GRM8: variants seen among roughly 807,000 people sequenced by gnomAD.
GRM8 encodes glutamate metabotropic receptor 8, also known as metabotropic glutamate receptor 8.
In GRM8, 47 loss-of-function variants were observed where a neutral mutation model predicts 87.2. The observed-to-expected ratio is 0.54, with a 90% CI of 0.43 to 0.69. GRM8 has a LOEUF of 0.69. Among genes scored for constraint, GRM8 ranks in the 30% least tolerant of loss-of-function variants. GRM8 has a pLI of 0.00. For missense variants in GRM8, 1,019 were observed against 1,139.2 expected, an observed-to-expected ratio of 0.89 and a Z score of 1.52; for synonymous variants, 396 against 404.5, an observed-to-expected ratio of 0.98 and a Z score of 0.25.
chr7:126,595,398 AT>A (rs1797069558), intron 8 of GRM8, among the ~76,000 whole-genome samples: 1 of 122,808 alleles, frequency 8.1e-6, no homozygotes, highest in Non-Finnish European at 1.8e-5. Context: ...ATTTTATTTT[AT>A]TTTATTTTAT....
intron 6 of GRM8, among the ~76,000 whole-genome samples, chr7:126,832,416 T>G (rs1044439969): frequency 5.9e-5 from 9 of 152,226 alleles, no homozygotes; most frequent in African/African-American, 1.9e-4. Flanking sequence ...CTTAAACCTA[T>G]CTATATATTC....
At chr7:126,440,725 C>T (rs567930224) in intron 10 of GRM8, among the ~76,000 whole-genome samples, 1 of 152,104 alleles carries the variant, frequency 6.6e-6, no homozygotes, top group East Asian at 1.9e-4. Flanking sequence ...CTGGGTGTGT[C>T]GTAGGCTATA....
intron 8 of GRM8, among the ~76,000 whole-genome samples, chr7:126,541,826 T>G (rs1352388649): frequency 6.6e-6 from 1 of 152,212 alleles, no homozygotes; most frequent in African/African-American, 2.4e-5. Context: ...CACTAAATAC[T>G]TCGTTAGTGC....
At position 126,974,385 on chromosome 7, in the gene GRM8, G is replaced by A. The variant is rs564858072; in HGVS notation, c.728-69702C>T. On this transcript the variant is annotated intron_variant, in intron 3 of 10. Transcript: ENST00000339582. ...AGTAACTCCATGAGATGATAGATAT[G>A]TTAGTTTGCTTCACTATAGTAAACA... 5.3e-5 allele frequency among the ~76,000 whole-genome samples: 8 copies of A among 152,228 alleles called. No homozygotes were observed. In the East Asian group the frequency reaches 1.5e-3, roughly 29 times the overall value.
At chr7:127,067,109 C>T (rs895740395) in intron 3 of GRM8, among the ~76,000 whole-genome samples, 2 of 152,174 alleles carry the variant, frequency 1.3e-5, no homozygotes, top group African/African-American at 4.8e-5. Flanking sequence ...AGTAGGCTCT[C>T]TCCATTCCAC....
chr7:126,677,901 C>G (rs1807153445), intron 7 of GRM8, among the ~76,000 whole-genome samples: 4 of 152,160 alleles, frequency 2.6e-5, no homozygotes, highest in Non-Finnish European at 1.5e-5. Flanking sequence ...CGTGTAAGGT[C>G]AAGTCCCTGG....
intron 8 of GRM8, among the ~76,000 whole-genome samples, chr7:126,596,738 A>G (rs1430654320): frequency 6.6e-6 from 1 of 152,180 alleles, no homozygotes; most frequent in Non-Finnish European, 1.5e-5. Flanking sequence ...ATATGCACTC[A>G]CACACACAGA....
intron 7 of GRM8, among the ~76,000 whole-genome samples, chr7:126,759,045 G>A (rs182934475): frequency 3.8e-4 from 58 of 151,828 alleles, no homozygotes; most frequent in African/African-American, 1.3e-3. Flanking sequence ...TTACAGGTGC[G>A]CATCACCACG....
At chr7:127,220,910 T>C (rs1054654202) in intron 2 of GRM8, among the ~76,000 whole-genome samples, 2 of 152,158 alleles carry the variant, frequency 1.3e-5, no homozygotes, top group Non-Finnish European at 1.5e-5. Context: ...TTCCTTCTTG[T>C]CCCCTTGGTC....
chr7:127,201,381 G>C (rs1035542671), intron 2 of GRM8, among the ~76,000 whole-genome samples: 7 of 152,174 alleles, frequency 4.6e-5, no homozygotes, highest in African/African-American at 7.2e-5. Flanking sequence ...CAGATCTGGG[G>C]CTGCCGCTCA....
chr7:126,997,152 TA>T (rs57340053), intron 3 of GRM8, among the ~76,000 whole-genome samples: 48,009 of 145,990 alleles, frequency 0.33, 7,983 homozygotes, highest in African/African-American at 0.4. Flanking sequence ...TTTTGTACAC[TA>T]AAAAAAAAAA....
intron 3 of GRM8, among the ~76,000 whole-genome samples, chr7:127,096,823 A>G (rs2132974096): frequency 6.6e-6 from 1 of 152,322 alleles, no homozygotes; most frequent in Non-Finnish European, 1.5e-5. Context: ...TACAGATTAT[A>G]GGTTTTGGTA....
At chr7:127,025,719 C>A (rs1455132152) in intron 3 of GRM8, among the ~76,000 whole-genome samples, 1 of 152,006 alleles carries the variant, frequency 6.6e-6, no homozygotes, top group Non-Finnish European at 1.5e-5. Context: ...CACAAGGGAG[C>A]TGGCGAAAAG....
intron 7 of GRM8, among the ~76,000 whole-genome samples, chr7:126,726,897 T>C (rs560088523): frequency 6.6e-6 from 1 of 152,148 alleles, no homozygotes; most frequent in Non-Finnish European, 1.5e-5. Flanking sequence ...TTTGCATGAG[T>C]AATGTGTTAT....
intron 2 of GRM8, among the ~76,000 whole-genome samples, chr7:127,119,204 T>C (rs1431485448): frequency 1.3e-5 from 2 of 151,974 alleles, no homozygotes; most frequent in African/African-American, 2.4e-5. Flanking sequence ...AACCAAGAAA[T>C]GGGGCCAGGC....
At chr7:126,743,263 A>T (rs891539300) in intron 7 of GRM8, among the ~76,000 whole-genome samples, 4 of 152,120 alleles carry the variant, frequency 2.6e-5, no homozygotes, top group Non-Finnish European at 5.9e-5. Flanking sequence ...TCATGTTCCC[A>T]TATAAAGGTA....
intron 8 of GRM8, among the ~76,000 whole-genome samples, chr7:126,593,468 CAACAAAGGTACCAAG>C (rs1309828462): frequency 1.3e-5 from 2 of 151,822 alleles, no homozygotes; most frequent in Admixed American, 1.3e-4. Context: ...CAAACTGATT[CAACAAAGGTACCAAG>C]AACATACAAT....
At chr7:126,805,410 G>T (rs1165580319) in intron 6 of GRM8, among the ~76,000 whole-genome samples, 2 of 152,250 alleles carry the variant, frequency 1.3e-5, no homozygotes, top group Non-Finnish European at 2.9e-5. Context: ...AATTAGGCAA[G>T]TGATGGTGGC....
At chr7:127,026,357 T>C (rs1816780827) in intron 3 of GRM8, among the ~76,000 whole-genome samples, 1 of 152,190 alleles carries the variant, frequency 6.6e-6, no homozygotes, top group South Asian at 2.1e-4. Flanking sequence ...CCTTTGGGTA[T>C]ATACCCAGTA....
Sources: allele counts gnomAD v4.1 joint callset (sites outside exome capture counted in the v4.1 genomes callset), GRCh38; gene constraint gnomAD v4.1.1; transcripts MANE v1.5; gene names NCBI Gene and HGNC (gene_info 2026-07-23, HGNC 2026-07-21).